The following DLG2 variants were observed in gnomAD, a reference collection of about 807,000 sequenced individuals.
DLG2 encodes disks large homolog 2.
A neutral mutation model predicts 132.5 loss-of-function variants in DLG2; 45 were observed. That is an observed-to-expected ratio of 0.34 (90% CI 0.27 to 0.44). The LOEUF (loss-of-function observed/expected upper bound fraction) is 0.44, where lower values mean the gene tolerates loss of function less well. Ranked by LOEUF, DLG2 falls within the 20% of genes least tolerant of loss-of-function variation. The pLI, the probability that DLG2 is intolerant of heterozygous loss-of-function variation, is 1.00. For synonymous variants in DLG2, 424 were observed against 419.6 expected (o/e 1.01, Z -0.13); for missense variants, 1,045 against 1,196.9 (o/e 0.87, Z 1.87).
At chr11:83,925,517 G>GA (rs1354937855) in intron 15 of DLG2, among the ~76,000 whole-genome samples, 3 of 152,108 alleles carry the variant, frequency 2.0e-5, no homozygotes, top group African/African-American at 7.2e-5. Context: ...ATGTCTGTGA[G>GA]ATATTTAAGG....
chr11:83,807,869 G>A (rs945314764), intron 17 of DLG2, among the ~76,000 whole-genome samples: 2 of 152,032 alleles, frequency 1.3e-5, no homozygotes, highest in Admixed American at 6.6e-5. Flanking sequence ...TAAGAGATAC[G>A]GTCTGTGTGG....
chr11:84,191,292 T>C (rs2096403600), intron 8 of DLG2, among the ~76,000 whole-genome samples: 1 of 152,214 alleles, frequency 6.6e-6, no homozygotes, highest in African/African-American at 2.4e-5. Context: ...TCATGTGACT[T>C]TGCAAGATAT....
intron 17 of DLG2, among the ~76,000 whole-genome samples, chr11:83,806,767 CAA>C (rs1261596994): frequency 6.6e-6 from 1 of 152,118 alleles, no homozygotes; most frequent in Non-Finnish European, 1.5e-5. Context: ...TTAAGGTTCA[CAA>C]AGACTCCTGT....
At chr11:84,144,862 G>A (rs765579783) in intron 9 of DLG2, among the ~76,000 whole-genome samples, 8 of 152,148 alleles carry the variant, frequency 5.3e-5, no homozygotes, top group Non-Finnish European at 7.4e-5. Context: ...CAGAAATATA[G>A]AGCCAAAGCT....
intron 9 of DLG2, among the ~76,000 whole-genome samples, chr11:84,150,223 C>G (rs1472214136): frequency 6.6e-6 from 1 of 152,172 alleles, no homozygotes. Context: ...TTTGTGTCAT[C>G]TCTGATTTCT....
At chr11:83,938,142 A>T (rs1255156223) in intron 14 of DLG2, among the ~76,000 whole-genome samples, 3 of 152,248 alleles carry the variant, frequency 2.0e-5, no homozygotes, top group Admixed American at 1.3e-4. Flanking sequence ...TAACCATTAA[A>T]GTTAATATTC....
intron 6 of DLG2, among the ~76,000 whole-genome samples, chr11:84,706,127 T>C (rs1041746966): frequency 1.3e-5 from 2 of 151,854 alleles, no homozygotes; most frequent in Non-Finnish European, 2.9e-5. Flanking sequence ...TAATATTTCC[T>C]TGATGGCTTC....
chr11:84,643,635 C>T (rs1005913266), intron 6 of DLG2, among the ~76,000 whole-genome samples: 1 of 152,148 alleles, frequency 6.6e-6, no homozygotes, highest in African/African-American at 2.4e-5. Flanking sequence ...TCACCCATAA[C>T]TTGAGAACAA....
chr11:84,634,746 C>T (rs1483367565), intron 6 of DLG2, among the ~76,000 whole-genome samples: 1 of 152,196 alleles, frequency 6.6e-6, no homozygotes, highest in Non-Finnish European at 1.5e-5. Context: ...TGTCACTCTC[C>T]TTCCCTGTCT....
chr11:84,795,000 G>A (rs1303625226), intron 6 of DLG2, among the ~76,000 whole-genome samples: 2 of 152,210 alleles, frequency 1.3e-5, no homozygotes, highest in East Asian at 1.9e-4. Flanking sequence ...GGTCCCTAGT[G>A]AAGCCCTACC....
chr11:85,485,850 G>C (rs1382087259), intron 3 of DLG2, among the ~76,000 whole-genome samples: 1 of 152,186 alleles, frequency 6.6e-6, no homozygotes, highest in South Asian at 2.1e-4. Flanking sequence ...GTGCCATCCT[G>C]AGAACTTTGC....
At chr11:84,802,951 C>T (rs1337670298) in intron 6 of DLG2, among the ~76,000 whole-genome samples, 1 of 152,080 alleles carries the variant, frequency 6.6e-6, no homozygotes, top group Admixed American at 6.6e-5. Flanking sequence ...AGGCACGTAC[C>T]ACCACACCTG....
chr11:84,629,930 CTTAAAATAAA>C (rs2099628731), intron 6 of DLG2, among the ~76,000 whole-genome samples: 1 of 152,132 alleles, frequency 6.6e-6, no homozygotes, highest in South Asian at 2.1e-4. Flanking sequence ...GAGACAGCAT[CTTAAAATAAA>C]TATAAAACAC....
chr11:84,451,489 A>T (rs950199480), intron 7 of DLG2, among the ~76,000 whole-genome samples: 2 of 151,848 alleles, frequency 1.3e-5, no homozygotes, highest in African/African-American at 4.8e-5. Flanking sequence ...GTAAAAAATG[A>T]AAGCGTTCAT....
intron 14 of DLG2, among the ~76,000 whole-genome samples, chr11:83,962,635 T>G (rs79560168): frequency 6.6e-6 from 1 of 152,050 alleles, no homozygotes; most frequent in Non-Finnish European, 1.5e-5. Context: ...TGATCAGATA[T>G]AGAAAGTCTT....
chr11:85,401,779 C>A (rs1301802328), intron 3 of DLG2, among the ~76,000 whole-genome samples: 1 of 152,058 alleles, frequency 6.6e-6, no homozygotes, highest in East Asian at 1.9e-4. Context: ...ATACAACTTA[C>A]AAAGGATGTG....
rs189615972 is a variant in DLG2 at position 83,674,829 on chromosome 11, G to A, written c.1826-41504C>T. On this transcript the variant is annotated intron_variant, in intron 18 of 27. Transcript: ENST00000376104. ...CAAGAGGCAAGAAGAAATATACTTT[G>A]ATTCTGTTTATTGCTATTATTGTCT... 2.3e-3 allele frequency among the ~76,000 whole-genome samples: 356 copies of A among 152,264 alleles called. 3 individuals are homozygous for A. Among genetic ancestry groups the A allele is most frequent in the African/African-American group, 8.1e-3 (338 of 41,556 alleles).
At chr11:84,204,705 T>A (rs1253301711) in intron 8 of DLG2, among the ~76,000 whole-genome samples, 2 of 152,196 alleles carry the variant, frequency 1.3e-5, no homozygotes, top group African/African-American at 4.8e-5. Flanking sequence ...TACTTTTTAA[T>A]TTATTTTATT....
intron 18 of DLG2, chr11:83,682,379 C>T (rs771938109): frequency 6.8e-5 from 67 of 985,232 alleles, no homozygotes; most frequent in Non-Finnish European, 8.1e-5. Context: ...GCAGCATTCT[C>T]GCTCACTGGG....
Sources: gnomAD v4.1 joint callset for allele counts (sites outside exome capture counted in the v4.1 genomes callset) on GRCh38, gnomAD v4.1.1 for gene constraint, MANE v1.5 for transcripts, NCBI Gene and HGNC (gene_info 2026-07-23, HGNC 2026-07-21) for gene names.